DESI2: variants seen among roughly 807,000 people sequenced by gnomAD.
DESI2 encodes the protein desumoylating isopeptidase 2.
A neutral mutation model predicts 24.1 loss-of-function variants in DESI2; 10 were observed. That is an observed-to-expected ratio of 0.41 (90% CI 0.26 to 0.70). DESI2 has a LOEUF of 0.70. Among genes scored for constraint, DESI2 ranks in the 30% least tolerant of loss-of-function variants. DESI2 has a pLI of 0.29. For synonymous variants in DESI2, 71 were observed against 87.7 expected (o/e 0.81, Z 1.06); for missense variants, 122 against 234.9 (o/e 0.52, Z 3.14).
chr1:244,671,910 G>A (rs1676260650), intron 1 of DESI2, among the ~76,000 whole-genome samples: 1 of 152,008 alleles, frequency 6.6e-6, no homozygotes, highest in African/African-American at 2.4e-5. Context: ...TGTGTAGGGA[G>A]ATTTTTACTG....
chr1:244,694,605 G>T, intron 4 of DESI2: 1 of 849,278 alleles, frequency 1.2e-6, no homozygotes, highest in Non-Finnish European at 2.1e-6. Flanking sequence ...GCGCTTGGCG[G>T]GGTAGCCACA....
At chr1:244,676,539 T>G (rs563557475) in intron 1 of DESI2, among the ~76,000 whole-genome samples, 4 of 152,096 alleles carry the variant, frequency 2.6e-5, no homozygotes, top group Admixed American at 2.6e-4. Flanking sequence ...TTTGAATGCC[T>G]TTAATTTTTC....
chr1:244,701,024 T>C (rs959304872), intron 4 of DESI2, among the ~76,000 whole-genome samples: 1 of 152,188 alleles, frequency 6.6e-6, no homozygotes, highest in African/African-American at 2.4e-5. Flanking sequence ...GCCTGCCTTG[T>C]TGCTTATAGT....
intron 4 of DESI2, among the ~76,000 whole-genome samples, chr1:244,696,635 T>C (rs1288369278): frequency 6.6e-6 from 1 of 152,108 alleles, no homozygotes; most frequent in Non-Finnish European, 1.5e-5. Flanking sequence ...CCCCCTTTAC[T>C]TGTTTTCAAA....
chr1:244,680,650 T>C (rs973825282), intron 1 of DESI2, among the ~76,000 whole-genome samples: 3 of 152,258 alleles, frequency 2.0e-5, no homozygotes, highest in Non-Finnish European at 4.4e-5. Context: ...TAAGGTGATA[T>C]ACACCATATT....
chr1:244,670,951 T>G (rs1676223209), intron 1 of DESI2, among the ~76,000 whole-genome samples: 1 of 152,210 alleles, frequency 6.6e-6, no homozygotes, highest in African/African-American at 2.4e-5. Context: ...GAAGAAACGC[T>G]CTTGGAATCT....
chr1:244,680,572 C>T (rs1361823260), intron 1 of DESI2, among the ~76,000 whole-genome samples: 1 of 152,240 alleles, frequency 6.6e-6, no homozygotes, highest in East Asian at 1.9e-4. Flanking sequence ...TATTTCGTCA[C>T]ATCCAAAGGC....
chr1:244,683,923 T>C (rs1676725549), intron 1 of DESI2, among the ~76,000 whole-genome samples: 1 of 151,566 alleles, frequency 6.6e-6, no homozygotes, highest in South Asian at 2.1e-4. Context: ...TAGGGGGGTC[T>C]TGAACTCCTG....
chr1:244,660,030 A>G (rs1675784584), intron 1 of DESI2, among the ~76,000 whole-genome samples: 1 of 152,240 alleles, frequency 6.6e-6, no homozygotes. Flanking sequence ...AGTGTATATC[A>G]GTTCCATGGT....
Position 244,708,806 on chromosome 1 carries a change from C to T in DESI2, c.*3017C>T, listed in dbSNP as rs539586173. On this transcript the variant is annotated 3_prime_UTR_variant, in exon 5 of 5. Transcript: ENST00000302550. ...AGTTAGTAGGCTTTCGTTGTCTTCT[C>T]TTTCAATACATGTACATCTTTACTG... 6.6e-6 allele frequency: 1 copy of T among 152,618 alleles called. No homozygotes were observed. Among genetic ancestry groups the T allele is most frequent in the African/African-American group, 2.4e-5 (1 of 41,440 alleles). 9.5% of individuals were successfully genotyped at this position (152,618 alleles called of 1,614,324 possible).
At chr1:244,676,257 C>G (rs1013523207) in intron 1 of DESI2, among the ~76,000 whole-genome samples, 1 of 151,718 alleles carries the variant, frequency 6.6e-6, no homozygotes, top group African/African-American at 2.4e-5. Context: ...TTTGTATTTT[C>G]AGTAGAGACA....
chr1:244,665,301 T>G (rs1676003697), intron 1 of DESI2, among the ~76,000 whole-genome samples: 1 of 152,140 alleles, frequency 6.6e-6, no homozygotes, highest in African/African-American at 2.4e-5. Flanking sequence ...TAGAGCACAG[T>G]CTTGAACAAG....
intron 1 of DESI2, among the ~76,000 whole-genome samples, chr1:244,677,648 C>T (rs1676457020): frequency 1.3e-5 from 2 of 152,182 alleles, no homozygotes; most frequent in Admixed American, 6.5e-5. Flanking sequence ...CTGGGCATGG[C>T]TCACACCTGT....
chr1:244,656,471 T>G (rs1211632283), intron 1 of DESI2: 1 of 152,240 alleles, frequency 6.6e-6, no homozygotes, highest in Admixed American at 6.5e-5. Context: ...AGTGATTATG[T>G]TCCTCTGTGT....
intron 3 of DESI2, 101 bp from the exon 4 acceptor site, chr1:244,691,778 A>G: frequency 1.1e-6 from 1 of 909,548 alleles, no homozygotes. Flanking sequence ...CGATCATAAT[A>G]TTCCTGGAAA....
intron 1 of DESI2, among the ~76,000 whole-genome samples, chr1:244,659,047 T>A (rs989133573): frequency 3.9e-5 from 5 of 129,012 alleles, no homozygotes; most frequent in African/African-American, 5.9e-5. Flanking sequence ...TTTTTTTTTT[T>A]AAACGGTAAG....
intron 3 of DESI2, among the ~76,000 whole-genome samples, chr1:244,690,137 G>A (rs1012530231): frequency 3.3e-5 from 5 of 152,066 alleles, no homozygotes; most frequent in African/African-American, 1.2e-4. Context: ...TGTTACATAG[G>A]TATCCATGTG....
intron 1 of DESI2, among the ~76,000 whole-genome samples, chr1:244,686,266 A>ATGTGTGTGTG (rs71574695): frequency 6.9e-6 from 1 of 145,408 alleles, no homozygotes; most frequent in African/African-American, 2.5e-5. Context: ...GTGTGTGTGT[A>ATGTGTGTGTG]TGTGTGTGTG....
intron 1 of DESI2, among the ~76,000 whole-genome samples, chr1:244,674,814 G>A (rs4481834): frequency 0.98 from 149,165 of 152,336 alleles, 73,105 homozygotes; most frequent in East Asian, 1. Context: ...TAATGCTGCC[G>A]TGAACATTAA....
Sources: allele counts gnomAD v4.1 joint callset (sites outside exome capture counted in the v4.1 genomes callset), GRCh38; gene constraint gnomAD v4.1.1; transcripts MANE v1.5; gene names NCBI Gene and HGNC (gene_info 2026-07-23, HGNC 2026-07-21).